PPP2R5B: variants seen among roughly 807,000 people sequenced by gnomAD.
The protein encoded by PPP2R5B is protein phosphatase 2 regulatory subunit B'beta.
In PPP2R5B, 19 loss-of-function variants were observed where a neutral mutation model predicts 59.9. That is an observed-to-expected ratio of 0.32 (90% CI 0.22 to 0.47). PPP2R5B has a LOEUF of 0.47. Among genes scored for constraint, PPP2R5B ranks in the 20% least tolerant of loss-of-function variants. The pLI is 1.00. For synonymous variants in PPP2R5B, 286 were observed against 260.5 expected (o/e 1.10, Z -0.94); for missense variants, 441 against 640.2 (o/e 0.69, Z 3.36).
At chr11:64,932,939 C>G in intron 12 of PPP2R5B, 47 bp downstream of exon 12, 1 of 1,609,532 alleles carries the variant, frequency 6.2e-7, no homozygotes, top group African/African-American at 1.3e-5. Flanking sequence ...GGACCAGGGC[C>G]AGCCAGTCCA....
upstream of PPP2R5B, among the ~76,000 whole-genome samples, chr11:64,923,542 C>A (rs1334574229): frequency 1.3e-5 from 2 of 152,300 alleles, no homozygotes; most frequent in East Asian, 3.9e-4. Flanking sequence ...TGAACTGCGG[C>A]CCTCGGTGCA....
rs1402359629 is a variant in PPP2R5B at position 64,928,335 on chromosome 11, A to C, written c.632A>C (p.Glu211Ala). The C allele has an allele frequency of 6.2e-7, 1 of 1,614,106 alleles. No individual in the cohort carries two copies. The highest frequency in any genetic ancestry group is 8.5e-7 in the Non-Finnish European group (1 of 1,180,050). ...LFDSEDPRER[E>A]YLKTILHRVY... ...GATAGTGAGGATCCCCGGGAGCGTG[A>C]GTACCTCAAGACCATCCTGCACCGG... Residue 211 changes from glutamate (E) to alanine (A), a missense_variant, in exon 6 of 14, where the codon GAG becomes GCG. Coordinates refer to ENST00000164133, the MANE Select transcript of PPP2R5B (RefSeq NM_006244.4).
In PPP2R5B at chr11:64,928,471, G is replaced by A. The variant is rs923879437; in HGVS notation, c.722+46G>A. 2.5e-6 allele frequency: 4 copies of A among 1,612,844 alleles called. No individual in the cohort carries two copies. In the African/African-American group the frequency reaches 4.0e-5, roughly 16 times the overall value. On this transcript the variant is annotated intron_variant, in intron 6 of 13. Coordinates refer to ENST00000164133, the MANE Select transcript of PPP2R5B (RefSeq NM_006244.4). Reference sequence around the variant, plus strand: ...CAGCAGAGACCTGGGGAGGGTGAGAGGGCTGTTAGAAGACTGCGGCAAAGG... The same window carrying A: ...CAGCAGAGACCTGGGGAGGGTGAGAAGGCTGTTAGAAGACTGCGGCAAAGG...
chr11:64,932,860 C>G lies in PPP2R5B; in HGVS notation c.1212C>G (p.Thr404=). The part of the protein sequence containing the change: ...CHTVLPAVFG[T]LYQVSKEHWN... ...CTGTGCTGCCTGCTGTGTTTGGGAC[C>G]CTCTACCAAGTCTCCAAGGAGCACT... The change falls in exon 12 of 14, where the codon ACC becomes ACG. Residue 404 remains threonine (T), a synonymous_variant. Transcript: ENST00000164133. 1 of 1,614,106 alleles carries G rather than the reference C, an allele frequency of 6.2e-7. No homozygotes were observed. The highest frequency in any genetic ancestry group is 8.5e-7 in the Non-Finnish European group (1 of 1,180,010).
chr11:64,929,858 A>T (rs949114646), intron 6 of PPP2R5B, among the ~76,000 whole-genome samples: 5 of 152,192 alleles, frequency 3.3e-5, no homozygotes, highest in Admixed American at 1.3e-4. Context: ...ATTAGTTGTT[A>T]TTAGCTACAA....
upstream of PPP2R5B, among the ~76,000 whole-genome samples, chr11:64,922,313 GTC>G (rs1196833147): frequency 3.4e-5 from 3 of 86,970 alleles, no homozygotes; most frequent in South Asian, 5.3e-4. Context: ...GCGAAACCCT[GTC>G]TCTACCAAAA....
At chr11:64,927,208 C>G (rs941550858) in intron 3 of PPP2R5B, among the ~76,000 whole-genome samples, 2 of 152,218 alleles carry the variant, frequency 1.3e-5, no homozygotes, top group African/African-American at 4.8e-5. Context: ...AATAACCAAG[C>G]TGGAAATCTC....
At position 64,934,143 on chromosome 11, in the gene PPP2R5B, A is replaced by C. The variant is rs1590682413; in HGVS notation, c.*299A>C. The C allele has an allele frequency of 5.7e-6, 2 of 348,944 alleles. No individual in the cohort carries two copies. Among genetic ancestry groups the C allele is most frequent in the South Asian group, 9.0e-5 (1 of 11,098 alleles). The allele number at this position is 348,944 out of a possible 1,614,324, so 21.6% of individuals were successfully genotyped here. ...AGGCTCCAGCTGCAGGCGGGCTCCC[A>C]CCCTCTGCTCCTGGCCTTGGGCAAG... On this transcript the variant is annotated 3_prime_UTR_variant, in exon 14 of 14. Transcript: ENST00000164133.
intron 6 of PPP2R5B, among the ~76,000 whole-genome samples, chr11:64,928,982 G>A (rs1152645): frequency 6.6e-6 from 1 of 151,454 alleles, no homozygotes. Flanking sequence ...AAAAAGAAAA[G>A]AAAACAAAAA....
upstream of PPP2R5B, among the ~76,000 whole-genome samples, chr11:64,920,507 A>C (rs1438402860): frequency 6.6e-6 from 1 of 152,186 alleles, no homozygotes; most frequent in Non-Finnish European, 1.5e-5. Flanking sequence ...GTAGGAGCTA[A>C]AGGAGTGAGC....
upstream of PPP2R5B, among the ~76,000 whole-genome samples, chr11:64,923,736 C>T (rs1440406448): frequency 6.6e-6 from 1 of 152,204 alleles, no homozygotes; most frequent in Non-Finnish European, 1.5e-5. Context: ...CTGGTCTCAT[C>T]ACCCTTTCCT....
Position 64,926,773 on chromosome 11 carries a change from G to A in PPP2R5B, c.261G>A (p.Met87Ile), listed in dbSNP as rs1459790633. 7 of 1,614,126 alleles carry A rather than the reference G, an allele frequency of 4.3e-6. 1 individual carries two copies. Among genetic ancestry groups the A allele is most frequent in the Non-Finnish European group, 5.9e-6 (7 of 1,180,046 alleles). Residue 87 changes from methionine (M) to isoleucine (I), a missense_variant, in exon 3 of 14, where the codon ATG (methionine) becomes ATA (isoleucine). Physicochemically the swap from Met to Ile is conservative, Grantham distance 10. Around this residue, in one of 3 missense-constraint regions of PPP2R5B, gnomAD observed 268 missense variants for 488.1 expected, o/e 0.55. Coordinates refer to ENST00000164133, the MANE Select transcript of PPP2R5B (RefSeq NM_006244.4). ...GGAAGCTGGCCCAGTGTGGGGTGAT[G>A]TTTGACTTCTTGGACTGTGTGGCCG... ...LSRKLAQCGV[M>I]FDFLDCVADL...
In PPP2R5B at chr11:64,931,446, G is replaced by A; in HGVS notation, c.902G>A (p.Cys301Tyr). Reference sequence around the variant, plus strand: ...TGTCACCCCCTGCAGCTGGCATACTGTGTGGTGCAGTTCCTGGAGAAGGAT... The same window carrying A: ...TGTCACCCCCTGCAGCTGGCATACTATGTGGTGCAGTTCCTGGAGAAGGAT... ...LSVFHAQLAY[C>Y]VVQFLEKDAT... is the part of the protein sequence containing the mutation. Residue 301 changes from cysteine (C) to tyrosine (Y), a missense_variant, in exon 9 of 14, where the codon TGT becomes TAT. Cys to Tyr is a radical substitution (Grantham distance 194, BLOSUM62 -2). This residue lies in a region of PPP2R5B where 268 missense variants were observed against 488.1 expected (regional missense o/e 0.55). Coordinates refer to ENST00000164133, the MANE Select transcript of PPP2R5B (RefSeq NM_006244.4). The surrounding 1 kb of genome is among the most constrained non-coding windows in gnomAD (Gnocchi z 5.0). The A allele has an allele frequency of 6.2e-7, 1 of 1,614,162 alleles. No homozygotes were observed. Among genetic ancestry groups the A allele is most frequent in the Non-Finnish European group, 8.5e-7 (1 of 1,180,014 alleles).
upstream of PPP2R5B, among the ~76,000 whole-genome samples, chr11:64,920,360 T>G (rs1460417739): frequency 2.6e-5 from 4 of 152,214 alleles, no homozygotes; most frequent in South Asian, 6.2e-4. Flanking sequence ...GGTCCATTCC[T>G]GAGCCCCAGT....
At position 64,932,810 on chromosome 11, in the gene PPP2R5B, A is replaced by G. The variant is rs2136690785; in HGVS notation, c.1162A>G (p.Ser388Gly). 1 of 1,614,108 alleles carries G rather than the reference A, an allele frequency of 6.2e-7. No individual in the cohort carries two copies. The highest frequency in any genetic ancestry group is 1.3e-5 in the African/African-American group (1 of 75,016). ...LYFWNNEYIL[S>G]LIEDNCHTVL... ...TTTCTGGAACAATGAGTATATCCTA[A>G]GCCTCATTGAGGACAACTGCCACAC... Residue 388 changes from serine (S) to glycine (G), a missense_variant, in exon 12 of 14, where the codon AGC becomes GGC. Physicochemically the swap from Ser to Gly is moderately conservative, Grantham distance 56. Around this residue, in one of 3 missense-constraint regions of PPP2R5B, gnomAD observed 268 missense variants for 488.1 expected, o/e 0.55. Coordinates refer to ENST00000164133, the MANE Select transcript of PPP2R5B (RefSeq NM_006244.4).
rs1945151623 is a variant in PPP2R5B at position 64,925,614 on chromosome 11, G to GT, written c.-121_-120insT. On this transcript the variant is annotated 5_prime_UTR_variant, in exon 2 of 14. Transcript: ENST00000164133. The surrounding 1 kb of genome is among the most constrained non-coding windows in gnomAD (Gnocchi z 4.6). The stretch of plus-strand genomic sequence containing the variant: ...GGGGGGGGCCCAGGACTGTGGTTGT[G>GT]CCCCCCCCCCAAAGGCCGGACAGGA... 7 of 451,014 alleles carry GT rather than the reference G, an allele frequency of 1.6e-5. No individual in the cohort carries two copies. Among genetic ancestry groups the GT allele is most frequent in the South Asian group, 1.4e-4 (6 of 42,478 alleles). The allele number at this position is 451,014 out of a possible 1,614,324, so 27.9% of individuals were successfully genotyped here.
Position 64,930,518 on chromosome 11 carries a change from C to G in PPP2R5B, c.820C>G (p.His274Asp). Residue 274 changes from histidine to aspartate, a missense_variant, in exon 8 of 14, where the codon CAC becomes GAC. Transcript: ENST00000164133. ...CTTTGCGCTGCCCCTGAAGACGGAGCACAAGCAGTTCCTGGTTCGCGTCCT... is the reference window on the plus strand; with the variant it reads ...CTTTGCGCTGCCCCTGAAGACGGAGGACAAGCAGTTCCTGGTTCGCGTCCT... ...NGFALPLKTE[H>D]KQFLVRVLIP... 4 of 1,614,198 alleles carry G rather than the reference C, an allele frequency of 2.5e-6. No homozygotes were observed. Among genetic ancestry groups the G allele is most frequent in the Non-Finnish European group, 3.4e-6 (4 of 1,180,042 alleles).
At chr11:64,923,474 C>T (rs1318660788), upstream of PPP2R5B, among the ~76,000 whole-genome samples, 3 of 152,220 alleles carry the variant, frequency 2.0e-5, no homozygotes, top group East Asian at 5.8e-4. Context: ...CCGGAGGTTC[C>T]TGAGCAAGCA....
upstream of PPP2R5B, among the ~76,000 whole-genome samples, chr11:64,923,809 T>C (rs1285871262): frequency 6.6e-6 from 1 of 152,172 alleles, no homozygotes; most frequent in African/African-American, 2.4e-5. Flanking sequence ...TTCACAGCAG[T>C]GTAGCGGGAT....
Sources: gnomAD v4.1 joint callset for allele counts (sites outside exome capture counted in the v4.1 genomes callset) on GRCh38, gnomAD v4.1.1 for gene constraint, gnomAD v4.1.1 regional missense constraint, Gnocchi (gnomAD v3.1) non-coding constraint, MANE v1.5 for transcripts, NCBI Gene and HGNC (gene_info 2026-07-23, HGNC 2026-07-21) for gene names.